Variants in TPO observed in about 807,000 individuals in gnomAD.
TPO encodes the protein thyroid peroxidase, also known as thyroid microsomal antigen.
A neutral mutation model predicts 96.9 loss-of-function variants in TPO; 78 were observed. The ratio of observed to expected loss-of-function variants is 0.81; its 90% CI spans 0.67 to 0.97. TPO has a LOEUF of 0.97. Among genes scored for constraint, TPO ranks in the 50% least tolerant of loss-of-function variants. The pLI is 0.00. For synonymous variants in TPO, 547 were observed against 538.0 expected (o/e 1.02, Z -0.23); for missense variants, 1,252 against 1,274.8 (o/e 0.98, Z 0.27).
chr2:1,527,455 C>CA (rs1303271528), intron 15 of TPO, among the ~76,000 whole-genome samples: 1 of 148,664 alleles, frequency 6.7e-6, no homozygotes, highest in African/African-American at 2.5e-5. Flanking sequence ...CTCAAATACC[C>CA]CACTGTGTGC....
rs561038824 is a variant in TPO at position 1,535,666 on chromosome 2, C to T, written c.2619-4928C>T. ...CTGTGTGCAACCTCCTCAAATCCCC[C>T]CACTCTGTGCAACCTCCCCACATGC... On this transcript the variant is annotated intron_variant, in intron 15 of 16. Transcript: ENST00000329066. Among the ~76,000 whole-genome samples, 7 of 104,324 alleles carry T rather than the reference C, an allele frequency of 6.7e-5. 1 individual carries two copies. The South Asian group carries it at 2.4e-3, about 36-fold the overall frequency. The allele number at this position is 104,324 out of a possible 152,430, so 68.4% of individuals were successfully genotyped here. A position where few individuals can be genotyped will look rare whatever the true frequency, so the allele number is the denominator to read the frequency against.
At chr2:1,541,123 C>T (rs1258127212) in intron 16 of TPO, 3 of 1,189,858 alleles carry the variant, frequency 2.5e-6, no homozygotes, top group African/African-American at 3.2e-5. Context: ...TTATGTTTTA[C>T]CCCCTTACCT....
intron 8 of TPO, chr2:1,478,353 C>T (rs780039772): frequency 3.2e-4 from 320 of 985,332 alleles, no homozygotes; most frequent in Non-Finnish European, 3.8e-4. Context: ...TTGCACCAGG[C>T]CCTGTGGCGG....
intron 8 of TPO, chr2:1,478,367 G>A: frequency 1.0e-6 from 1 of 985,404 alleles, no homozygotes; most frequent in Non-Finnish European, 1.2e-6. Context: ...GTGGCGGCCT[G>A]GGCATCGTGT....
At chr2:1,400,737 G>A (rs1307375265) in intron 1 of TPO, among the ~76,000 whole-genome samples, 1 of 151,908 alleles carries the variant, frequency 6.6e-6, no homozygotes, top group Non-Finnish European at 1.5e-5. Context: ...TATTGTAGCT[G>A]TTAGTTTATC....
At chr2:1,440,038 C>A (rs1158139474) in intron 5 of TPO, among the ~76,000 whole-genome samples, 3 of 152,192 alleles carry the variant, frequency 2.0e-5, no homozygotes, top group African/African-American at 7.2e-5. Flanking sequence ...GCACCTGGTT[C>A]CCCACCCACA....
intron 3 of TPO, among the ~76,000 whole-genome samples, chr2:1,428,033 A>C (rs1417156211): frequency 6.6e-6 from 1 of 152,216 alleles, no homozygotes; most frequent in Non-Finnish European, 1.5e-5. Flanking sequence ...GTGGGAACAT[A>C]CATTTGATGC....
At position 1,406,623 on chromosome 2, in the gene TPO, T is replaced by G. The variant is rs114141520; in HGVS notation, n.180+32221T>G. On this transcript the variant is annotated intron_variant and non_coding_transcript_variant, in intron 1 of 5. Transcript: ENST00000497517. ...CAGAGCTCATCGGCCTGAGGGCATC[T>G]TCCTCTCTATTAATCTCACTTAGGG... Among the ~76,000 whole-genome samples, 701 of 152,354 alleles carry G rather than the reference T, an allele frequency of 4.6e-3. 10 individuals are homozygous for G. Among genetic ancestry groups the G allele is most frequent in the African/African-American group, 0.016 (674 of 41,586 alleles).
rs1433653658 is a variant in TPO at position 1,423,080 on chromosome 2, G to C, written c.130G>C (p.Glu44Gln). 1.9e-6 allele frequency: 3 copies of C among 1,614,188 alleles called. No individual in the cohort carries two copies. Among genetic ancestry groups the C allele is most frequent in the South Asian group, 1.1e-5 (1 of 91,080 alleles). ...PEESRVSSVL[E>Q]ESKRLVDTAM... Reference sequence around the variant, plus strand: ...GGAGTCTCGTGTCTCTAGCGTCTTGGAGGAAAGCAAGCGCCTGGTGGACAC... The same window carrying C: ...GGAGTCTCGTGTCTCTAGCGTCTTGCAGGAAAGCAAGCGCCTGGTGGACAC... Residue 44 changes from glutamate (E) to glutamine (Q), a missense_variant, in exon 3 of 17, where the codon GAG becomes CAG. Physicochemically the swap from Glu to Gln is conservative, Grantham distance 29. Transcript: ENST00000329066.
intron 14 of TPO, among the ~76,000 whole-genome samples, chr2:1,514,683 T>C (rs1048060178): frequency 6.6e-6 from 1 of 152,198 alleles, no homozygotes; most frequent in Non-Finnish European, 1.5e-5. Flanking sequence ...TCAGGACCTG[T>C]CTCAGCTGGG....
chr2:1,504,579 C>A (rs1673216943), intron 14 of TPO, among the ~76,000 whole-genome samples: 1 of 152,220 alleles, frequency 6.6e-6, no homozygotes, highest in African/African-American at 2.4e-5. Flanking sequence ...ATGGCCTTGT[C>A]CAGTCCCCCA....
intron 15 of TPO, among the ~76,000 whole-genome samples, chr2:1,534,052 C>T (rs1185074811): frequency 6.8e-5 from 6 of 88,758 alleles, no homozygotes; most frequent in African/African-American, 1.6e-4. Flanking sequence ...AATCCCACCA[C>T]TGTGTTCAAC....
rs886054901 is a variant in TPO, at chr2:1,477,609, G to A, written c.1338+5G>A. On this transcript the variant is annotated splice_donor_5th_base_variant and intron_variant, in intron 8 of 16. Coordinates refer to ENST00000329066, the MANE Select transcript of TPO (RefSeq NM_001206744.2). ...GTCGTGGGCGCTCTGCACCAGGTGCGCGGGGTGGTCCTGGGCGCCCTGGGT... is the reference window on the plus strand; with the variant it reads ...GTCGTGGGCGCTCTGCACCAGGTGCACGGGGTGGTCCTGGGCGCCCTGGGT... The A allele has an allele frequency of 5.3e-5, 80 of 1,516,276 alleles. No individual in the cohort carries two copies. Among genetic ancestry groups the A allele is most frequent in the Non-Finnish European group, 6.8e-5 (77 of 1,137,914 alleles). 93.9% of individuals were successfully genotyped at this position (1,516,276 alleles called of 1,614,324 possible).
intron 13 of TPO, among the ~76,000 whole-genome samples, chr2:1,501,074 T>C (rs1264842495): frequency 6.6e-6 from 1 of 152,240 alleles, no homozygotes; most frequent in African/African-American, 2.4e-5. Flanking sequence ...TCAGTGGCTT[T>C]TTCCATGAGT....
At position 1,531,695 on chromosome 2, in the gene TPO, TTGCAACCTCGCCAAATCCCCCCCACTCTC is replaced by T. The variant is rs1678289514; in HGVS notation, c.2619-8889_2619-8861del. Among the ~76,000 whole-genome samples, 30 of 78,298 alleles carry T rather than the reference TTGCAACCTCGCCAAATCCCCCCCACTCTC, an allele frequency of 3.8e-4. 5 individuals carry two copies. Among genetic ancestry groups the T allele is most frequent in the Non-Finnish European group, 2.1e-4 (8 of 38,100 alleles). The allele number at this position is 78,298 out of a possible 152,430, so 51.4% of individuals were successfully genotyped here. ...AATCTCCCCAAATCCCGCCCACTCT[TTGCAACCTCGCCAAATCCCCCCCACTCTC>T]TGCAACCTCCCCAAATCACCCCCAC... is the stretch of plus-strand genomic sequence containing the variant. On this transcript the variant is annotated intron_variant, in intron 15 of 16. Transcript: ENST00000329066.
Position 1,467,101 on chromosome 2 carries a change from C to A in TPO, c.820-9985C>A, listed in dbSNP as rs117843285. ...GTTGTGTCATTATTGTCATTCAGTT[C>A]AAAGAATTTTTTTTTTTTTGAGATG... is the stretch of plus-strand genomic sequence containing the variant. On this transcript the variant is annotated intron_variant, in intron 7 of 16. Coordinates refer to ENST00000329066, the MANE Select transcript of TPO (RefSeq NM_001206744.2). Among the ~76,000 whole-genome samples, 19 of 151,718 alleles carry A rather than the reference C, an allele frequency of 1.3e-4. No individual in the cohort carries two copies. In the East Asian group the frequency reaches 3.7e-3, roughly 29 times the overall value.
rs570884438 is a variant in TPO at position 1,506,473 on chromosome 2, T to G, written c.2518+2394T>G. 4.2e-4 allele frequency among the ~76,000 whole-genome samples: 64 copies of G among 152,342 alleles called. 1 individual carries two copies. In the East Asian group the frequency reaches 0.012, roughly 28 times the overall value. On this transcript the variant is annotated intron_variant, in intron 14 of 16. Transcript: ENST00000329066. ...GGAATCGCCACACTGCCTTCCACAA[T>G]GGTTGAACTAGTTTACAGTCCCACC...
intron 8 of TPO, among the ~76,000 whole-genome samples, chr2:1,480,918 T>G (rs1267875244): frequency 1.6e-5 from 2 of 124,816 alleles, no homozygotes; most frequent in African/African-American, 5.6e-5. Flanking sequence ...TCCTCTAATT[T>G]CTTTTGTCGA....
At position 1,477,307 on chromosome 2, in the gene TPO, AG is replaced by A; in HGVS notation, c.1044del (p.Leu349CysfsTer55). On this transcript the variant is annotated frameshift_variant, in exon 8 of 17. Transcript: ENST00000329066. LOFTEE classifies it high-confidence loss of function. ...AGCTGCGGAACTGGACCAGTGCCGA[AG>A]GGCTGCTCCGCGTCCACGCGCGCCT... ...RQLRNWTSAE[G>X]LLRVHARLRD... is the part of the protein sequence containing the mutation. 1 of 1,582,236 alleles carries A rather than the reference AG, an allele frequency of 6.3e-7. No individual in the cohort carries two copies.
Sources: gnomAD v4.1 joint callset for allele counts (sites outside exome capture counted in the v4.1 genomes callset) on GRCh38, gnomAD v4.1.1 for gene constraint, MANE v1.5 for transcripts, NCBI Gene and HGNC (gene_info 2026-07-23, HGNC 2026-07-21) for gene names.